The following CLDN12 variants were observed in gnomAD, a reference collection of about 807,000 sequenced individuals.
CLDN12 encodes claudin 12, also known as claudin-12.
Under a neutral mutation model 15.5 loss-of-function variants are expected in CLDN12, and 9 were observed. That is an observed-to-expected ratio of 0.58 (90% confidence interval 0.35 to 1.02). The LOEUF (loss-of-function observed/expected upper bound fraction) is 1.02, where lower values mean the gene tolerates loss of function less well. Among genes scored for constraint, CLDN12 ranks in the 50% least tolerant of loss-of-function variants. The pLI is 0.02. For synonymous variants in CLDN12, 140 were observed against 121.6 expected (o/e 1.15, Z -1.00); for missense variants, 233 against 297.3 (o/e 0.78, Z 1.59).
Position 90,412,884 on chromosome 7 carries a change from T to C in CLDN12, c.208T>C (p.Tyr70His). 3 of 1,614,242 alleles carry C rather than the reference T, an allele frequency of 1.9e-6. No individual in the cohort carries two copies. Among genetic ancestry groups the C allele is most frequent in the Non-Finnish European group, 2.5e-6 (3 of 1,180,034 alleles). Residue 70 changes from tyrosine (Y) to histidine (H), a missense_variant, in exon 4 of 4, where the codon TAC (tyrosine) becomes CAC (histidine). Transcript: ENST00000496677. The stretch of plus-strand genomic sequence containing the variant: ...TGACGGGAGCAGTGACTGCCTGATG[T>C]ACGACACTACTTGGTACTCATCAGT... ...RYDGSSDCLM[Y>H]DTTWYSSVDQ...
chr7:90,412,835 C>G lies in CLDN12; in HGVS notation c.159C>G (p.Gly53=), dbSNP rs745707657. Residue 53 remains glycine (G), a synonymous_variant, in exon 4 of 4, where the codon GGC becomes GGG. Coordinates refer to ENST00000496677, the MANE Select transcript of CLDN12 (RefSeq NM_001185072.3). ...RNEKNLTVYT[G]LWVKCARYDG... Reference sequence around the variant, plus strand: ...AGAAGAACCTGACTGTTTACACAGGCCTGTGGGTGAAATGTGCCCGGTATG... The same window carrying G: ...AGAAGAACCTGACTGTTTACACAGGGCTGTGGGTGAAATGTGCCCGGTATG... 2 of 1,614,090 alleles carry G rather than the reference C, an allele frequency of 1.2e-6. No individual in the cohort carries two copies. Among genetic ancestry groups the G allele is most frequent in the Admixed American group, 3.3e-5 (2 of 60,016 alleles).
In CLDN12 at chr7:90,413,003, C is replaced by G. The variant is rs1189107272; in HGVS notation, c.327C>G (p.Cys109Trp). Residue 109 changes from cysteine to tryptophan, a missense_variant, in exon 4 of 4, where the codon TGC becomes TGG. Transcript: ENST00000496677. Reference protein sequence around the residue: ...GALLLCLIGMCNTAFRSSVPN... With the variant: ...GALLLCLIGMWNTAFRSSVPN... ...TGCTGCTCTGCCTGATTGGAATGTG[C>G]AACACTGCCTTCAGGTCCTCGGTGC... is the stretch of plus-strand genomic sequence containing the variant. 2 of 1,614,188 alleles carry G rather than the reference C, an allele frequency of 1.2e-6. No homozygotes were observed. The highest frequency in any genetic ancestry group is 4.5e-5 in the East Asian group (2 of 44,880).
At chr7:90,411,866 C>T (rs1175344945) in intron 2 of CLDN12, 141 bp from the exon 3 acceptor site, 1 of 152,184 alleles carries the variant, frequency 6.6e-6, no homozygotes, top group African/African-American at 2.4e-5. Flanking sequence ...AGCTGGGTCA[C>T]TGAATGCTAA....
chr7:90,404,675 C>T (rs1051708750), intron 1 of CLDN12, among the ~76,000 whole-genome samples: 4 of 152,102 alleles, frequency 2.6e-5, no homozygotes, highest in Non-Finnish European at 4.4e-5. Flanking sequence ...TCACCACCTT[C>T]CTTATCCTTT....
At position 90,412,965 on chromosome 7, in the gene CLDN12, G is replaced by A. The variant is rs750382986; in HGVS notation, c.289G>A (p.Ala97Thr). 20 of 1,613,982 alleles carry A rather than the reference G, an allele frequency of 1.2e-5. No individual in the cohort carries two copies. Among genetic ancestry groups the A allele is most frequent in the South Asian group, 3.3e-5 (3 of 91,088 alleles). The change falls in exon 4 of 4, where the codon GCC (alanine) becomes ACC (threonine). Residue 97 changes from alanine (A) to threonine (T), a missense_variant. Transcript: ENST00000496677. ...TGCCCTACCCCTCAGCATGCTGATC[G>A]CCATGGGTGCCCTGCTGCTCTGCCT... is the stretch of plus-strand genomic sequence containing the variant. ...QFALPLSMLI[A>T]MGALLLCLIG...
intron 1 of CLDN12, among the ~76,000 whole-genome samples, chr7:90,404,288 T>C (rs192198470): frequency 6.7e-6 from 1 of 149,530 alleles, no homozygotes; most frequent in East Asian, 2.0e-4. Flanking sequence ...GGGGGAGGGG[T>C]TGGGGGGGAC....
intron 2 of CLDN12, among the ~76,000 whole-genome samples, chr7:90,406,850 T>TA (rs1796846840): frequency 6.6e-6 from 1 of 152,302 alleles, no homozygotes; most frequent in African/African-American, 2.4e-5. Flanking sequence ...ACAGATTTGT[T>TA]AAAGTGTTCT....
Position 90,413,509 on chromosome 7 carries a change from T to C in CLDN12, c.*98T>C. ...ACCTACATACATTTTCCTTTGTTTT[T>C]GACCAATCAATGAAGCCAAATTTAT... On this transcript the variant is annotated 3_prime_UTR_variant, in exon 4 of 4. Coordinates refer to ENST00000496677, the MANE Select transcript of CLDN12 (RefSeq NM_001185072.3). The C allele has an allele frequency of 6.6e-7, 1 of 1,514,758 alleles. No individual in the cohort carries two copies. Among genetic ancestry groups the C allele is most frequent in the Non-Finnish European group, 8.8e-7 (1 of 1,134,860 alleles). 93.8% of individuals were successfully genotyped at this position (1,514,758 alleles called of 1,614,324 possible).
intron 1 of CLDN12, among the ~76,000 whole-genome samples, chr7:90,404,528 A>G (rs1412809403): frequency 6.7e-6 from 1 of 150,070 alleles, no homozygotes; most frequent in Non-Finnish European, 1.5e-5. Flanking sequence ...TGGTGGAACT[A>G]TTTTTTTTTT....
At chr7:90,410,436 G>A (rs1796934246) in intron 2 of CLDN12, among the ~76,000 whole-genome samples, 1 of 152,156 alleles carries the variant, frequency 6.6e-6, no homozygotes, top group Non-Finnish European at 1.5e-5. Context: ...ATGGTTACTT[G>A]TGCTTAAACT....
chr7:90,410,634 C>T (rs941964699), intron 2 of CLDN12, among the ~76,000 whole-genome samples: 4 of 151,934 alleles, frequency 2.6e-5, no homozygotes, highest in South Asian at 4.2e-4. Context: ...GCCAGGAGTT[C>T]GAGACCAGCC....
At chr7:90,409,693 T>C (rs1048876250) in intron 2 of CLDN12, among the ~76,000 whole-genome samples, 4 of 152,236 alleles carry the variant, frequency 2.6e-5, no homozygotes, top group Non-Finnish European at 5.9e-5. Flanking sequence ...TCCTGCCTGA[T>C]AAATTTTTAT....
intron 2 of CLDN12, among the ~76,000 whole-genome samples, chr7:90,409,953 C>T (rs1796925662): frequency 1.3e-5 from 2 of 152,194 alleles, no homozygotes. Flanking sequence ...TGAATGATTG[C>T]TTCTTAGTAA....
chr7:90,408,164 A>G (rs1796881040), intron 2 of CLDN12, among the ~76,000 whole-genome samples: 1 of 152,216 alleles, frequency 6.6e-6, no homozygotes, highest in East Asian at 1.9e-4. Flanking sequence ...AGTCAGCATT[A>G]TCTTTGTTTT....
In CLDN12 at chr7:90,413,887, T is replaced by G; in HGVS notation, c.*476T>G. 1 of 999,390 alleles carries G rather than the reference T, an allele frequency of 1.0e-6. No homozygotes were observed. Among genetic ancestry groups the G allele is most frequent in the South Asian group, 4.7e-5 (1 of 21,288 alleles). 61.9% of individuals were successfully genotyped at this position (999,390 alleles called of 1,614,324 possible). A position where few individuals can be genotyped will look rare whatever the true frequency, so the allele number is the denominator to read the frequency against. On this transcript the variant is annotated 3_prime_UTR_variant, in exon 4 of 4. Transcript: ENST00000496677. ...TAGTCAATAATCTAGCTTAAGGCTG[T>G]AACTCTTCTATCGGGGCTAATTGTA...
intron 2 of CLDN12, among the ~76,000 whole-genome samples, chr7:90,410,153 T>C (rs979082260): frequency 6.6e-5 from 10 of 151,006 alleles, no homozygotes; most frequent in African/African-American, 2.5e-4. Context: ...ATCCTAGAGC[T>C]TGGCATTTCT....
At position 90,412,938 on chromosome 7, in the gene CLDN12, T is replaced by A; in HGVS notation, c.262T>A (p.Phe88Ile). The A allele has an allele frequency of 1.9e-6, 3 of 1,614,174 alleles. No individual in the cohort carries two copies. The highest frequency in any genetic ancestry group is 2.5e-6 in the Non-Finnish European group (3 of 1,180,026). ...CCAGCTGGACCTGCGTGTCCTCCAG[T>A]TTGCCCTACCCCTCAGCATGCTGAT... ...VDQLDLRVLQFALPLSMLIAM... is the reference protein window; with the variant it reads ...VDQLDLRVLQIALPLSMLIAM... The change falls in exon 4 of 4, where the codon TTT (phenylalanine) becomes ATT (isoleucine). Residue 88 changes from phenylalanine to isoleucine, a missense_variant. Coordinates refer to ENST00000496677, the MANE Select transcript of CLDN12 (RefSeq NM_001185072.3).
chr7:90,413,633 A>G lies in CLDN12; in HGVS notation c.*222A>G, dbSNP rs1163722599. ...TGCTTCTTATACTGGAAGGAATTTTAGCCTTCATATTGATATCTAATTAAT... is the reference window on the plus strand; with the variant it reads ...TGCTTCTTATACTGGAAGGAATTTTGGCCTTCATATTGATATCTAATTAAT... On this transcript the variant is annotated 3_prime_UTR_variant, in exon 4 of 4. Transcript: ENST00000496677. The G allele has an allele frequency of 7.6e-7, 1 of 1,316,202 alleles. No homozygotes were observed. The highest frequency in any genetic ancestry group is 3.7e-5 in the Admixed American group (1 of 27,070). The allele number at this position is 1,316,202 out of a possible 1,614,324, so 81.5% of individuals were successfully genotyped here.
At position 90,415,671 on chromosome 7, in the gene CLDN12, T is replaced by C. The variant is rs1797057981; in HGVS notation, c.*2260T>C. The C allele has an allele frequency of 6.0e-6, 1 of 167,092 alleles. No individual in the cohort carries two copies. The highest frequency in any genetic ancestry group is 1.5e-5 in the Non-Finnish European group (1 of 68,120). 10.4% of individuals were successfully genotyped at this position (167,092 alleles called of 1,614,324 possible). On this transcript the variant is annotated 3_prime_UTR_variant, in exon 4 of 4. Coordinates refer to ENST00000496677, the MANE Select transcript of CLDN12 (RefSeq NM_001185072.3). Reference sequence around the variant, plus strand: ...TTATTTACAGTTTTTGAAGTCACTTTTGAGCCCTCATCAAGCTCTCATTGT... The same window carrying C: ...TTATTTACAGTTTTTGAAGTCACTTCTGAGCCCTCATCAAGCTCTCATTGT...
Sources: allele counts gnomAD v4.1 joint callset (sites outside exome capture counted in the v4.1 genomes callset), GRCh38; gene constraint gnomAD v4.1.1; transcripts MANE v1.5; gene names NCBI Gene and HGNC (gene_info 2026-07-23, HGNC 2026-07-21).